The following ICE1 variants were observed in gnomAD, a reference collection of about 807,000 sequenced individuals.
ICE1 encodes the protein interactor of little elongation complex ELL subunit 1.
ICE1 carries 64 observed loss-of-function variants against 192.7 expected under a neutral mutation model. The observed-to-expected ratio is 0.33, with a 90% CI of 0.27 to 0.41. The LOEUF (loss-of-function observed/expected upper bound fraction) is 0.41. Among genes scored for constraint, ICE1 ranks in the 10% least tolerant of loss-of-function variants. The pLI, the probability that ICE1 is intolerant of heterozygous loss-of-function variation, is 1.00. For synonymous variants in ICE1, 1,010 were observed against 984.5 expected (o/e 1.03, Z -0.49); for missense variants, 2,708 against 2,696.0 (o/e 1.00, Z -0.10).
intron 17 of ICE1, among the ~76,000 whole-genome samples, chr5:5,483,611 C>G (rs1490467113): frequency 1.3e-5 from 2 of 152,304 alleles, no homozygotes; most frequent in East Asian, 3.9e-4. Flanking sequence ...AAGCCCTTCT[C>G]TGAGGCCATC....
At chr5:5,484,704 T>G (rs1364734470) in intron 17 of ICE1, among the ~76,000 whole-genome samples, 1 of 152,204 alleles carries the variant, frequency 6.6e-6, no homozygotes, top group South Asian at 2.1e-4. Flanking sequence ...ACTAAGCTAG[T>G]TCCTGTAGAG....
intron 17 of ICE1, among the ~76,000 whole-genome samples, chr5:5,480,958 T>C (rs1172432002): frequency 6.6e-6 from 1 of 152,156 alleles, no homozygotes; most frequent in Non-Finnish European, 1.5e-5. Context: ...TCAAAACTGT[T>C]TTGCTGAATT....
chr5:5,450,758 A>G (rs750164219), intron 10 of ICE1, among the ~76,000 whole-genome samples: 1 of 152,242 alleles, frequency 6.6e-6, no homozygotes, highest in Non-Finnish European at 1.5e-5. Flanking sequence ...ATGAATTTAC[A>G]TTATTGAAAT....
intron 7 of ICE1, 40 bp from the exon 8 acceptor site, chr5:5,447,387 A>G: frequency 7.8e-7 from 1 of 1,287,164 alleles, no homozygotes; most frequent in African/African-American, 1.5e-5. Context: ...TAAAGTTAGT[A>G]AATTATTTTT....
At chr5:5,475,571 T>G (rs750105476) in intron 16 of ICE1, among the ~76,000 whole-genome samples, 17 of 152,306 alleles carry the variant, frequency 1.1e-4, no homozygotes, top group Non-Finnish European at 2.4e-4. Context: ...CTCCTTTTGG[T>G]TTACATGCAC....
At chr5:5,484,227 A>T (rs140746440) in intron 17 of ICE1, among the ~76,000 whole-genome samples, 1 of 152,278 alleles carries the variant, frequency 6.6e-6, no homozygotes, top group African/African-American at 2.4e-5. Flanking sequence ...TAGACTCATG[A>T]TTTCCTCTTA....
intron 10 of ICE1, among the ~76,000 whole-genome samples, chr5:5,450,314 G>T (rs1489054139): frequency 2.6e-5 from 4 of 152,196 alleles, no homozygotes; most frequent in Non-Finnish European, 4.4e-5. Flanking sequence ...GGAAATACTG[G>T]ATGAACAAAT....
At chr5:5,454,699 C>CA (rs1738536826) in intron 11 of ICE1, 61 bp downstream of exon 11, 7 of 1,241,530 alleles carry the variant, frequency 5.6e-6, no homozygotes, top group Non-Finnish European at 8.2e-6. Flanking sequence ...TAACCATAGG[C>CA]ATAGCAGCCG....
rs1405062410 is a variant in ICE1, at chr5:5,462,048, A to G, written c.2714A>G (p.Asp905Gly). Residue 905 changes from aspartate (D) to glycine (G), a missense_variant, in exon 13 of 19, where the codon GAT becomes GGT. Transcript: ENST00000296564. ...KTGMSTVAKC[D>G]GERDDTTQNI... is the part of the protein sequence containing the mutation. ...GGTATGTCAACTGTAGCAAAATGTG[A>G]TGGGGAAAGAGATGATACAACACAA... is the stretch of plus-strand genomic sequence containing the variant. 3 of 1,613,998 alleles carry G rather than the reference A, an allele frequency of 1.9e-6. No individual in the cohort carries two copies. The highest frequency in any genetic ancestry group is 2.2e-5 in the South Asian group (2 of 91,084).
At chr5:5,480,537 G>A (rs572442354) in intron 17 of ICE1, among the ~76,000 whole-genome samples, 2 of 152,176 alleles carry the variant, frequency 1.3e-5, no homozygotes, top group Admixed American at 6.5e-5. Context: ...TGGAGCCACC[G>A]CGCCCAGCCG....
intron 10 of ICE1, among the ~76,000 whole-genome samples, chr5:5,450,912 AAGAG>A (rs1207822761): frequency 2.6e-5 from 4 of 152,256 alleles, no homozygotes; most frequent in Non-Finnish European, 5.9e-5. Flanking sequence ...GTTTTTTAGA[AAGAG>A]AGAGCAAAAG....
intron 1 of ICE1, among the ~76,000 whole-genome samples, chr5:5,423,762 A>C (rs539620740): frequency 6.6e-6 from 1 of 152,020 alleles, no homozygotes; most frequent in African/African-American, 2.4e-5. Flanking sequence ...ACTTCCTACT[A>C]TCGCGGTTTC....
At chr5:5,438,506 A>G (rs950866594) in intron 3 of ICE1, among the ~76,000 whole-genome samples, 3 of 152,366 alleles carry the variant, frequency 2.0e-5, no homozygotes, top group South Asian at 2.1e-4. Context: ...CCATTTAACT[A>G]TACGTGCATA....
rs1302278001 is a variant in ICE1, at chr5:5,457,476, G to A, written c.836G>A (p.Cys279Tyr). The A allele has an allele frequency of 6.2e-7, 1 of 1,613,786 alleles. No homozygotes were observed. The highest frequency in any genetic ancestry group is 8.5e-7 in the Non-Finnish European group (1 of 1,179,856). The change falls in exon 12 of 19, where the codon TGT (cysteine) becomes TAT (tyrosine). Residue 279 changes from cysteine to tyrosine, a missense_variant. Cys to Tyr is a radical substitution (Grantham distance 194, BLOSUM62 -2). Transcript: ENST00000296564. ...LSMEIKEDFL[C>Y]QNVEKQSSSG... ...ATGGAGATAAAGGAGGACTTTTTAT[G>A]TCAAAATGTGGAAAAACAGAGCTCC...
chr5:5,425,851 T>C (rs1430806105), intron 1 of ICE1, among the ~76,000 whole-genome samples: 1 of 152,182 alleles, frequency 6.6e-6, no homozygotes, highest in African/African-American at 2.4e-5. Context: ...AATTGAAGGT[T>C]CCTGGGAAGG....
chr5:5,461,755 C>T lies in ICE1; in HGVS notation c.2421C>T (p.Ala807=). The change falls in exon 13 of 19, where the codon GCC becomes GCT. Residue 807 remains alanine (A), a synonymous_variant. Coordinates refer to ENST00000296564, the MANE Select transcript of ICE1 (RefSeq NM_015325.3). Reference sequence around the variant, plus strand: ...AAGGTGGCGAAGAAAGTCTGAGAGCCAAATCAGAACATGAACAGAAGACTA... The same window carrying T: ...AAGGTGGCGAAGAAAGTCTGAGAGCTAAATCAGAACATGAACAGAAGACTA... The part of the protein sequence containing the change: ...LRKGGEESLR[A]KSEHEQKTSH... 2 of 1,613,618 alleles carry T rather than the reference C, an allele frequency of 1.2e-6. No homozygotes were observed. Among genetic ancestry groups the T allele is most frequent in the African/African-American group, 2.7e-5 (2 of 74,984 alleles).
chr5:5,463,358 C>T lies in ICE1; in HGVS notation c.4024C>T (p.Pro1342Ser). The T allele has an allele frequency of 6.2e-7, 1 of 1,613,844 alleles. No individual in the cohort carries two copies. Among genetic ancestry groups the T allele is most frequent in the Non-Finnish European group, 8.5e-7 (1 of 1,179,844 alleles). The change falls in exon 13 of 19, where the codon CCT (proline) becomes TCT (serine). Residue 1342 changes from proline to serine, a missense_variant. Coordinates refer to ENST00000296564, the MANE Select transcript of ICE1 (RefSeq NM_015325.3). The stretch of plus-strand genomic sequence containing the variant: ...CAGCGGTATGCCTCAGAATGAAAAC[C>T]CTCAGAGCAGACCAGAGGCCCGTTC... ...PISGMPQNEN[P>S]QSRPEARSDA...
In ICE1 at chr5:5,462,323, A is replaced by C. The variant is rs200142263; in HGVS notation, c.2989A>C (p.Thr997Pro). ...GGCCACAGATCTGGACTCCAGTGGG[A>C]CACATGGCAGTGAGATGCTTCCAGC... The part of the protein sequence containing the change: ...PQATDLDSSG[T>P]HGSEMLPATE... The change falls in exon 13 of 19, where the codon ACA becomes CCA. Residue 997 changes from threonine (T) to proline (P), a missense_variant. By Grantham distance (38) the Thr-to-Pro change is conservative. This residue lies in a region of ICE1 where 2,366 missense variants were observed against 2,276.6 expected (regional missense o/e 1.04). Coordinates refer to ENST00000296564, the MANE Select transcript of ICE1 (RefSeq NM_015325.3). 1.6e-4 allele frequency: 257 copies of C among 1,614,000 alleles called. No homozygotes were observed. Among genetic ancestry groups the C allele is most frequent in the Non-Finnish European group, 2.1e-4 (247 of 1,179,892 alleles).
chr5:5,436,040 T>G (rs1025542714), intron 1 of ICE1, among the ~76,000 whole-genome samples: 1 of 152,168 alleles, frequency 6.6e-6, no homozygotes, highest in Non-Finnish European at 1.5e-5. Flanking sequence ...TGGTTTCTTT[T>G]TTGTTGTTAT....
Sources: allele counts gnomAD v4.1 joint callset (sites outside exome capture counted in the v4.1 genomes callset), GRCh38; gene constraint gnomAD v4.1.1; regional missense constraint gnomAD v4.1.1; transcripts MANE v1.5; gene names NCBI Gene and HGNC (gene_info 2026-07-23, HGNC 2026-07-21).